Variants in MAGI1 observed in about 807,000 individuals in gnomAD.
MAGI1 encodes the protein membrane-associated guanylate kinase, WW and PDZ domain-containing protein 1.
A neutral mutation model predicts 139.9 loss-of-function variants in MAGI1; 58 were observed. The observed-to-expected ratio is 0.41, with a 90% CI of 0.34 to 0.52. The LOEUF is 0.52. MAGI1 is among the 20% of genes least tolerant of loss of function. The probability of loss-of-function intolerance (pLI) is 0.12; values close to 1 mark genes in which losing one functional copy is unlikely to be tolerated. For missense variants in MAGI1, 1,874 were observed against 1,901.6 expected, an observed-to-expected ratio of 0.99 and a Z score of 0.27; for synonymous variants, 812 against 737.9, an observed-to-expected ratio of 1.10 and a Z score of -1.63.
intron 1 of MAGI1, chr3:65,688,026 A>G (rs1044824641): frequency 8.3e-6 from 7 of 841,482 alleles, no homozygotes; most frequent in Non-Finnish European, 1.4e-5. Flanking sequence ...AGCCCCTCAC[A>G]CCCTGGATCC....
At chr3:65,709,824 T>C (rs1057274632) in intron 1 of MAGI1, among the ~76,000 whole-genome samples, 1 of 152,256 alleles carries the variant, frequency 6.6e-6, no homozygotes, top group African/African-American at 2.4e-5. Flanking sequence ...GTAGCTCTAA[T>C]TGACGTACAG....
chr3:65,710,315 T>G (rs1028908266), intron 1 of MAGI1, among the ~76,000 whole-genome samples: 2 of 142,418 alleles, frequency 1.4e-5, no homozygotes, highest in Non-Finnish European at 3.0e-5. Context: ...AGTTTTGCCC[T>G]TGTTGCCCAG....
At chr3:65,437,832 T>C (rs917918517) in intron 9 of MAGI1, among the ~76,000 whole-genome samples, 4 of 152,176 alleles carry the variant, frequency 2.6e-5, no homozygotes, top group Non-Finnish European at 4.4e-5. Context: ...AATTGTACAT[T>C]CTCATTTGCA....
intron 1 of MAGI1, among the ~76,000 whole-genome samples, chr3:65,981,156 A>AG (rs200632416): frequency 0.027 from 4,140 of 151,534 alleles, 191 homozygotes; most frequent in African/African-American, 0.092. Context: ...CATCTCAAAA[A>AG]AAAAAAAAAA....
At chr3:65,731,829 T>C (rs927096281) in intron 1 of MAGI1, among the ~76,000 whole-genome samples, 7 of 152,080 alleles carry the variant, frequency 4.6e-5, no homozygotes, top group Non-Finnish European at 1.0e-4. Flanking sequence ...ATGTTAAATG[T>C]GGATAGTAGC....
intron 14 of MAGI1, among the ~76,000 whole-genome samples, chr3:65,388,055 C>T (rs1440245648): frequency 6.6e-6 from 1 of 152,194 alleles, no homozygotes; most frequent in East Asian, 1.9e-4. Flanking sequence ...AAGATGTGCA[C>T]AATTCTAGAG....
chr3:65,571,247 C>T (rs1342335513), intron 2 of MAGI1, among the ~76,000 whole-genome samples: 1 of 152,124 alleles, frequency 6.6e-6, no homozygotes, highest in Non-Finnish European at 1.5e-5. Context: ...CTTTACTCAA[C>T]TGTATACAAA....
intron 1 of MAGI1, among the ~76,000 whole-genome samples, chr3:65,746,634 G>T (rs2035732238): frequency 6.6e-6 from 1 of 152,044 alleles, no homozygotes; most frequent in Admixed American, 6.6e-5. Context: ...GGCACATCTA[G>T]TGAGCACAAA....
chr3:65,870,637 G>A (rs1323259897), intron 1 of MAGI1, among the ~76,000 whole-genome samples: 1 of 146,380 alleles, frequency 6.8e-6, no homozygotes, highest in African/African-American at 2.5e-5. Context: ...CAGGAGAGAG[G>A]CAGGGTGGGG....
At chr3:65,874,938 C>G (rs990428038) in intron 1 of MAGI1, 1 of 152,532 alleles carries the variant, frequency 6.6e-6, no homozygotes, top group Non-Finnish European at 1.5e-5. Context: ...GAATGAAAAG[C>G]CAGGTGTGGT....
At chr3:65,971,028 C>T (rs933637473) in intron 1 of MAGI1, among the ~76,000 whole-genome samples, 1 of 152,126 alleles carries the variant, frequency 6.6e-6, no homozygotes, top group South Asian at 2.1e-4. Context: ...CATGGTGAAA[C>T]CCCATCTCTA....
chr3:65,905,995 G>A, intron 1 of MAGI1, among the ~76,000 whole-genome samples: 1 of 152,066 alleles, frequency 6.6e-6, no homozygotes, highest in Non-Finnish European at 1.5e-5. Context: ...CACAATTAAG[G>A]CATTCTCTTA....
At chr3:65,547,877 C>G (rs1031286367) in intron 2 of MAGI1, among the ~76,000 whole-genome samples, 1 of 152,066 alleles carries the variant, frequency 6.6e-6, no homozygotes, top group Non-Finnish European at 1.5e-5. Flanking sequence ...CAGGGCAGAG[C>G]CTGGAGTTCA....
intron 2 of MAGI1, among the ~76,000 whole-genome samples, chr3:65,520,082 G>GT (rs1397116516): frequency 6.6e-6 from 1 of 152,172 alleles, no homozygotes; most frequent in Non-Finnish European, 1.5e-5. Context: ...AGCAAAATGA[G>GT]TTGGCCATCT....
At chr3:65,680,438 A>C (rs2087499635) in intron 1 of MAGI1, among the ~76,000 whole-genome samples, 1 of 152,184 alleles carries the variant, frequency 6.6e-6, no homozygotes, top group African/African-American at 2.4e-5. Context: ...TAATTTAAAG[A>C]CAGTCTCTTG....
At chr3:65,807,356 G>C (rs1469888858) in intron 1 of MAGI1, among the ~76,000 whole-genome samples, 1 of 152,142 alleles carries the variant, frequency 6.6e-6, no homozygotes, top group Non-Finnish European at 1.5e-5. Flanking sequence ...AGGACAAAAA[G>C]GGACCGGCTT....
At chr3:65,761,483 G>A (rs772430043) in intron 1 of MAGI1, among the ~76,000 whole-genome samples, 3 of 152,098 alleles carry the variant, frequency 2.0e-5, no homozygotes, top group African/African-American at 4.8e-5. Context: ...TTCCAACAAC[G>A]TTAAGCCATT....
At position 65,868,002 on chromosome 3, in the gene MAGI1, T is replaced by C. The variant is rs527505884; in HGVS notation, c.313+169994A>G. Among the ~76,000 whole-genome samples the C allele has an allele frequency of 2.6e-5, 4 of 152,264 alleles. No homozygotes were observed. In the East Asian group the frequency reaches 7.7e-4, roughly 29 times the overall value. On this transcript the variant is annotated intron_variant, in intron 1 of 22. Transcript: ENST00000402939. ...ATCCATAAGCTGCTCCTCCCTGCCC[T>C]GTCATTTGCTTACAAGTCTGCCTGC...
intron 1 of MAGI1, among the ~76,000 whole-genome samples, chr3:65,988,259 C>A (rs962964328): frequency 1.3e-5 from 2 of 151,998 alleles, no homozygotes; most frequent in East Asian, 3.9e-4. Context: ...TATTTTTTTT[C>A]ATTCAACACA....
Sources: allele counts gnomAD v4.1 joint callset (sites outside exome capture counted in the v4.1 genomes callset), GRCh38; gene constraint gnomAD v4.1.1; transcripts MANE v1.5; gene names NCBI Gene and HGNC (gene_info 2026-07-23, HGNC 2026-07-21).